SLC9A4: variants seen among roughly 807,000 people sequenced by gnomAD.
SLC9A4 encodes sodium/hydrogen exchanger 4.
A neutral mutation model predicts 67.4 loss-of-function variants in SLC9A4; 63 were observed. The observed-to-expected ratio is 0.93, with a 90% confidence interval of 0.76 to 1.15. The LOEUF (loss-of-function observed/expected upper bound fraction) is 1.15. Ranked by LOEUF, SLC9A4 falls within the 50% of genes most tolerant of loss-of-function variation. The pLI is 0.00. For synonymous variants in SLC9A4, 393 were observed against 367.2 expected (o/e 1.07, Z -0.80); for missense variants, 1,089 against 987.7 (o/e 1.10, Z -1.38).
chr2:102,495,174 T>A (rs1468565075), intron 2 of SLC9A4, among the ~76,000 whole-genome samples: 1 of 152,014 alleles, frequency 6.6e-6, no homozygotes, highest in African/African-American at 2.4e-5. Context: ...ATTTAAAATA[T>A]CTAGGAAAGT....
intron 11 of SLC9A4, among the ~76,000 whole-genome samples, chr2:102,528,304 G>A (rs1674706469): frequency 6.6e-6 from 1 of 152,018 alleles, no homozygotes; most frequent in Non-Finnish European, 1.5e-5. Flanking sequence ...CACCGAGTCT[G>A]GTCGATAGTT....
chr2:102,512,145 G>C, intron 6 of SLC9A4, 58 bp from the exon 7 acceptor site: 1 of 1,590,414 alleles, frequency 6.3e-7, no homozygotes, highest in Non-Finnish European at 8.6e-7. Context: ...TAGTTGTCCT[G>C]TGTGTCTTTC....
intron 3 of SLC9A4, among the ~76,000 whole-genome samples, chr2:102,504,277 C>A (rs1685004502): frequency 6.6e-6 from 1 of 152,112 alleles, no homozygotes; most frequent in South Asian, 2.1e-4. Context: ...TGGTCTCGAT[C>A]TCCTGACCTC....
At chr2:102,517,167 G>T (rs1475706002) in intron 8 of SLC9A4, among the ~76,000 whole-genome samples, 2 of 152,166 alleles carry the variant, frequency 1.3e-5, no homozygotes, top group Admixed American at 6.5e-5. Flanking sequence ...CATTCCAAAT[G>T]TTGTTCATCT....
At chr2:102,513,466 G>T (rs1265772058) in intron 7 of SLC9A4, among the ~76,000 whole-genome samples, 3 of 152,262 alleles carry the variant, frequency 2.0e-5, no homozygotes, top group Non-Finnish European at 4.4e-5. Flanking sequence ...GCGCAGCTCA[G>T]TCGAATGGGC....
chr2:102,532,641 G>T lies in SLC9A4; in HGVS notation c.2350G>T (p.Gly784Cys). The change falls in exon 12 of 12, where the codon GGC (glycine) becomes TGC (cysteine). Residue 784 changes from glycine to cysteine, a missense_variant. Gly to Cys is a radical substitution (Grantham distance 159). Coordinates refer to ENST00000295269, the MANE Select transcript of SLC9A4 (RefSeq NM_001011552.4). ...RSRWTADHGH[G>C]RDHHRSHSPL... Reference sequence around the variant, plus strand: ...GAGGTGGACAGCTGACCATGGACACGGCAGGGACCATCACAGGTCCCATAG... The same window carrying T: ...GAGGTGGACAGCTGACCATGGACACTGCAGGGACCATCACAGGTCCCATAG... 6.2e-7 allele frequency: 1 copy of T among 1,613,478 alleles called. No homozygotes were observed. Among genetic ancestry groups the T allele is most frequent in the Non-Finnish European group, 8.5e-7 (1 of 1,179,780 alleles).
At chr2:102,477,995 C>G (rs1684368761) in intron 1 of SLC9A4, among the ~76,000 whole-genome samples, 1 of 152,316 alleles carries the variant, frequency 6.6e-6, no homozygotes, top group South Asian at 2.1e-4. Flanking sequence ...TCTCTTTGGT[C>G]TTCCACCTGG....
At chr2:102,522,169 A>G (rs1174416266) in intron 9 of SLC9A4, among the ~76,000 whole-genome samples, 1 of 152,220 alleles carries the variant, frequency 6.6e-6, no homozygotes, top group Non-Finnish European at 1.5e-5. Flanking sequence ...GACCTCCAGG[A>G]TAGGTCACAG....
At chr2:102,517,072 AG>A (rs1685289731) in intron 8 of SLC9A4, among the ~76,000 whole-genome samples, 1 of 152,232 alleles carries the variant, frequency 6.6e-6, no homozygotes, top group Non-Finnish European at 1.5e-5. Flanking sequence ...ACAGAAGACT[AG>A]GATGCAGGTT....
chr2:102,485,080 T>C (rs535389053), intron 2 of SLC9A4, among the ~76,000 whole-genome samples: 20 of 152,246 alleles, frequency 1.3e-4, no homozygotes, highest in Non-Finnish European at 2.5e-4. Flanking sequence ...TACACAGTGG[T>C]TAAGGACAGA....
chr2:102,498,975 G>A (rs1223448909), intron 2 of SLC9A4, among the ~76,000 whole-genome samples: 1 of 152,202 alleles, frequency 6.6e-6, no homozygotes, highest in Non-Finnish European at 1.5e-5. Context: ...GAAGCCCAGG[G>A]GGATGGGAGA....
At chr2:102,495,423 G>A (rs1418557475) in intron 2 of SLC9A4, among the ~76,000 whole-genome samples, 7 of 151,900 alleles carry the variant, frequency 4.6e-5, no homozygotes, top group Non-Finnish European at 8.8e-5. Context: ...CATTTTTAAG[G>A]AATCAGTTTT....
intron 2 of SLC9A4, among the ~76,000 whole-genome samples, chr2:102,495,401 T>A (rs900813188): frequency 6.6e-6 from 1 of 152,112 alleles, no homozygotes; most frequent in Non-Finnish European, 1.5e-5. Flanking sequence ...TATTCATTAA[T>A]GGAAGAGTAA....
intron 9 of SLC9A4, among the ~76,000 whole-genome samples, chr2:102,520,735 C>T (rs550887270): frequency 5.9e-5 from 9 of 152,152 alleles, no homozygotes; most frequent in Non-Finnish European, 1.3e-4. Context: ...ATCACCTAGG[C>T]AAAGCTCCCC....
intron 2 of SLC9A4, among the ~76,000 whole-genome samples, chr2:102,500,267 A>T (rs1291460041): frequency 2.0e-5 from 3 of 152,152 alleles, no homozygotes; most frequent in African/African-American, 7.2e-5. Context: ...GCCGGCAGTC[A>T]CCAGAAGAAG....
chr2:102,503,772 A>G, intron 3 of SLC9A4, 65 bp downstream of exon 3: 1 of 1,574,530 alleles, frequency 6.4e-7, no homozygotes, highest in Non-Finnish European at 8.6e-7. Context: ...ACATCACATG[A>G]GCCAGGCATC....
intron 2 of SLC9A4, among the ~76,000 whole-genome samples, chr2:102,498,212 C>T (rs2104428151): frequency 6.6e-6 from 1 of 152,264 alleles, no homozygotes; most frequent in African/African-American, 2.4e-5. Context: ...ATAATGTTAC[C>T]CAGAGCCTGG....
At chr2:102,517,557 G>A (rs528351079) in intron 8 of SLC9A4, among the ~76,000 whole-genome samples, 1 of 152,264 alleles carries the variant, frequency 6.6e-6, no homozygotes, top group Admixed American at 6.5e-5. Context: ...GGTAACTATA[G>A]TTAACACTAA....
intron 3 of SLC9A4, among the ~76,000 whole-genome samples, chr2:102,504,299 G>A (rs1404086593): frequency 1.3e-5 from 2 of 152,084 alleles, no homozygotes; most frequent in South Asian, 2.1e-4. Context: ...TGATCTGCCC[G>A]CCTTGGCCTC....
Sources: gnomAD v4.1 joint callset for allele counts (sites outside exome capture counted in the v4.1 genomes callset) on GRCh38, gnomAD v4.1.1 for gene constraint, MANE v1.5 for transcripts, NCBI Gene and HGNC (gene_info 2026-07-23, HGNC 2026-07-21) for gene names.